Variants in MAPT observed in about 807,000 individuals in gnomAD.
MAPT encodes microtubule-associated protein tau.
MAPT carries 34 observed loss-of-function variants against 67.9 expected under a neutral mutation model. That is an observed-to-expected ratio of 0.50 (90% CI 0.38 to 0.67). The LOEUF is 0.67. Ranked by LOEUF, MAPT falls within the 30% of genes least tolerant of loss-of-function variation. The pLI, the probability that MAPT is intolerant of heterozygous loss-of-function variation, is 0.00. For missense variants in MAPT, 881 were observed against 1,115.2 expected (o/e 0.79, Z 2.99); for synonymous variants, 456 against 464.5 (o/e 0.98, Z 0.23).
intron 1 of MAPT, among the ~76,000 whole-genome samples, chr17:45,939,331 A>G (rs2067653062): frequency 6.6e-6 from 1 of 152,226 alleles, no homozygotes; most frequent in African/African-American, 2.4e-5. Context: ...AAATGAGGAT[A>G]CAAGTAACCC....
intron 2 of MAPT, chr17:45,969,322 T>C (rs79488004): frequency 0.015 from 2,240 of 152,472 alleles, 58 homozygotes; most frequent in African/African-American, 0.047. Flanking sequence ...AATTCAGAAA[T>C]TCTGATGGAA....
At chr17:45,970,104 C>T (rs2071506011) in intron 2 of MAPT, among the ~76,000 whole-genome samples, 1 of 151,906 alleles carries the variant, frequency 6.6e-6, no homozygotes, top group Non-Finnish European at 1.5e-5. Flanking sequence ...ATCCATCCAT[C>T]CATCCATCCA....
chr17:45,911,518 T>C (rs62056837), intron 1 of MAPT, among the ~76,000 whole-genome samples: 21,829 of 152,076 alleles, frequency 0.14, 2,140 homozygotes, highest in Middle Eastern at 0.22. Context: ...CCCAGCACTT[T>C]AGGAGGCCAA....
chr17:45,971,951 CCCCCCTTCAGACG>C lies in MAPT; in HGVS notation c.220+13_220+25del. ...GAGCACTCCAACAGCGGAAGGTGGG[CCCCCCTTCAGACG>C]CCCCCTCCATGCCTCCAGCCTGTGC... On this transcript the variant is annotated splice_region_variant and intron_variant, in intron 3 of 12. Transcript: ENST00000262410. This position sits in a 1 kb window ranked among gnomAD's most constrained non-coding sequence, Gnocchi z 4.3. 6.2e-7 allele frequency: 1 copy of C among 1,612,608 alleles called. No homozygotes were observed. The highest frequency in any genetic ancestry group is 8.5e-7 in the Non-Finnish European group (1 of 1,178,788).
At chr17:45,955,099 A>G (rs939066071) in intron 1 of MAPT, among the ~76,000 whole-genome samples, 8 of 152,248 alleles carry the variant, frequency 5.3e-5, no homozygotes, top group Non-Finnish European at 1.2e-4. Flanking sequence ...AGTAAAACGC[A>G]GTCACGGGGA....
chr17:45,933,584 T>TC (rs1307979681), intron 1 of MAPT, among the ~76,000 whole-genome samples: 21 of 152,256 alleles, frequency 1.4e-4, no homozygotes, highest in African/African-American at 5.1e-4. Flanking sequence ...TTATTACTTG[T>TC]CCTGAGGCAG....
Position 45,983,544 on chromosome 17 carries a change from A to G in MAPT, c.965A>G (p.Gln322Arg), listed in dbSNP as rs1445259158. ...ASPAQDGRPP[Q>R]TAAREATSIP... is the part of the protein sequence containing the mutation. Reference sequence around the variant, plus strand: ...CCAGCCCAAGATGGGCGGCCTCCCCAGACAGCCGCCAGAGAAGCCACCAGC... The same window carrying G: ...CCAGCCCAAGATGGGCGGCCTCCCCGGACAGCCGCCAGAGAAGCCACCAGC... The change falls in exon 5 of 13, where the codon CAG becomes CGG. Residue 322 changes from glutamine (Q) to arginine (R), a missense_variant. By Grantham distance (43) the Gln-to-Arg change is conservative. Around this residue, in one of 6 missense-constraint regions of MAPT, gnomAD observed 687 missense variants for 766.1 expected, o/e 0.90. Transcript: ENST00000262410. 6 of 1,612,854 alleles carry G rather than the reference A, an allele frequency of 3.7e-6. No homozygotes were observed. Among genetic ancestry groups the G allele is most frequent in the Non-Finnish European group, 5.1e-6 (6 of 1,179,924 alleles).
At chr17:45,919,300 T>C (rs929620349) in intron 1 of MAPT, among the ~76,000 whole-genome samples, 4 of 152,022 alleles carry the variant, frequency 2.6e-5, no homozygotes, top group African/African-American at 7.2e-5. Flanking sequence ...ACCGATTGTG[T>C]TCTCACTTAC....
intron 1 of MAPT, among the ~76,000 whole-genome samples, chr17:45,944,984 A>G (rs986547833): frequency 6.6e-6 from 1 of 152,200 alleles, no homozygotes; most frequent in Admixed American, 6.5e-5. Context: ...CTCTGGGTCC[A>G]CTAGAGGTTC....
At chr17:45,920,334 T>C (rs2065581108) in intron 1 of MAPT, among the ~76,000 whole-genome samples, 1 of 152,170 alleles carries the variant, frequency 6.6e-6, no homozygotes, top group African/African-American at 2.4e-5. Flanking sequence ...TCCTGAGTCC[T>C]CTCATTTCTT....
intron 12 of MAPT, among the ~76,000 whole-genome samples, chr17:46,020,557 C>T (rs1238345004): frequency 6.6e-6 from 1 of 152,166 alleles, no homozygotes; most frequent in Non-Finnish European, 1.5e-5. Context: ...ATACCCGATA[C>T]TGGGCAGTCT....
chr17:45,993,787 C>T, intron 8 of MAPT: 1 of 768,976 alleles, frequency 1.3e-6, no homozygotes, highest in Non-Finnish European at 2.2e-6. Flanking sequence ...GAGAGACCCT[C>T]CCCCTTGGGC....
At chr17:45,934,497 G>A (rs2067141341) in intron 1 of MAPT, among the ~76,000 whole-genome samples, 1 of 152,046 alleles carries the variant, frequency 6.6e-6, no homozygotes, top group African/African-American at 2.4e-5. Flanking sequence ...ATGTTGGCTG[G>A]ACAGTTGCCC....
intron 12 of MAPT, 115 bp downstream of exon 12, chr17:46,018,845 A>G: frequency 2.6e-6 from 2 of 783,790 alleles, no homozygotes; most frequent in Non-Finnish European, 2.2e-6. Context: ...TTCTGTGTTG[A>G]CTGGCTGGAT....
rs760330606 is a variant in MAPT at position 46,027,112 on chromosome 17, T to C, written c.*2941T>C. 1 of 152,210 alleles carries C rather than the reference T, an allele frequency of 6.6e-6. No individual in the cohort carries two copies. The allele number at this position is 152,210 out of a possible 1,614,324, so 9.4% of individuals were successfully genotyped here. A position where few individuals can be genotyped will look rare whatever the true frequency, so the allele number is the denominator to read the frequency against. ...GTAGATTTGGTGGTGGTTAGAGATA[T>C]GCCCCCCTCATTACTGCCAACAGTT... On this transcript the variant is annotated 3_prime_UTR_variant, in exon 13 of 13. Coordinates refer to ENST00000262410, the MANE Select transcript of MAPT (RefSeq NM_001377265.1).
At chr17:45,899,068 A>G (rs2063458812) in intron 1 of MAPT, among the ~76,000 whole-genome samples, 1 of 152,202 alleles carries the variant, frequency 6.6e-6, no homozygotes, top group Non-Finnish European at 1.5e-5. Context: ...TGACGGGAAG[A>G]GAAGACCCCA....
chr17:46,020,731 A>G (rs1336762432), intron 12 of MAPT, among the ~76,000 whole-genome samples: 1 of 152,142 alleles, frequency 6.6e-6, no homozygotes, highest in African/African-American at 2.4e-5. Context: ...AGACTTATTC[A>G]CTATCATGAG....
Position 45,989,867 on chromosome 17 carries a change from T to G in MAPT, c.1408-11T>G, listed in dbSNP as rs370949089. The G allele has an allele frequency of 2.0e-5, 33 of 1,612,564 alleles. No homozygotes were observed. Among genetic ancestry groups the G allele is most frequent in the Non-Finnish European group, 2.6e-5 (31 of 1,178,664 alleles). Reference sequence around the variant, plus strand: ...ACTTTTATTTTGATTTTATTTATGTTTATGTTTAAGACATCCACACGTTCC... The same window carrying G: ...ACTTTTATTTTGATTTTATTTATGTGTATGTTTAAGACATCCACACGTTCC... On this transcript the variant is annotated splice_polypyrimidine_tract_variant and intron_variant, in intron 6 of 12. Transcript: ENST00000262410.
rs1484919835 is a variant in MAPT, at chr17:45,971,102, G to C, written c.134-757G>C. Among the ~76,000 whole-genome samples the C allele has an allele frequency of 2.0e-5, 3 of 152,046 alleles. No individual in the cohort carries two copies. The East Asian group carries it at 5.8e-4, about 29-fold the overall frequency. ...ACTCCCAGTGGCCAAAGTGCCACAG[G>C]GAAGGGACAATTCAGCCCTTCTAGG... On this transcript the variant is annotated intron_variant, in intron 2 of 12. Coordinates refer to ENST00000262410, the MANE Select transcript of MAPT (RefSeq NM_001377265.1). The surrounding 1 kb of genome is among the most constrained non-coding windows in gnomAD (Gnocchi z 4.3).
Sources: allele counts gnomAD v4.1 joint callset (sites outside exome capture counted in the v4.1 genomes callset), GRCh38; gene constraint gnomAD v4.1.1; regional missense constraint gnomAD v4.1.1; non-coding constraint Gnocchi (gnomAD v3.1); transcripts MANE v1.5; gene names NCBI Gene and HGNC (gene_info 2026-07-23, HGNC 2026-07-21).